The following ADAMTS20 variants were observed in gnomAD, a reference collection of about 807,000 sequenced individuals.
ADAMTS20 encodes the protein ADAM metallopeptidase with thrombospondin type 1 motif 20.
In ADAMTS20, 225 loss-of-function variants were observed where a neutral mutation model predicts 260.1. The ratio of observed to expected loss-of-function variants is 0.87; its 90% CI spans 0.78 to 0.97. ADAMTS20 has a LOEUF of 0.97. ADAMTS20 is among the 50% of genes least tolerant of loss of function. The pLI, the probability that ADAMTS20 is intolerant of heterozygous loss-of-function variation, is 0.00. For missense variants in ADAMTS20, 2,400 were observed against 2,337.7 expected (o/e 1.03, Z -0.55); for synonymous variants, 802 against 769.5 (o/e 1.04, Z -0.70).
intron 2 of ADAMTS20, among the ~76,000 whole-genome samples, chr12:43,539,198 G>A (rs974699409): frequency 6.6e-6 from 1 of 151,958 alleles, no homozygotes; most frequent in Non-Finnish European, 1.5e-5. Context: ...TGATCCACCC[G>A]CCTTGGCCTC....
intron 24 of ADAMTS20, among the ~76,000 whole-genome samples, chr12:43,429,153 A>C (rs964266588): frequency 6.6e-6 from 1 of 152,088 alleles, no homozygotes; most frequent in East Asian, 1.9e-4. Flanking sequence ...AATATCTACT[A>C]CTAAGTAACA....
intron 18 of ADAMTS20, among the ~76,000 whole-genome samples, chr12:43,434,873 T>A (rs61925142): frequency 0.12 from 18,640 of 152,150 alleles, 1,291 homozygotes; most frequent in Admixed American, 0.21. Flanking sequence ...CGTGACCTAT[T>A]CCAGTCCCAC....
Position 43,362,830 on chromosome 12 carries a change from G to GAA in ADAMTS20, c.5539-6244_5539-6243dup, listed in dbSNP as rs796818223. On this transcript the variant is annotated intron_variant, in intron 37 of 38. Coordinates refer to ENST00000389420, the MANE Select transcript of ADAMTS20 (RefSeq NM_025003.5). ...TACCTTAAAGCTTAAAGTATAATTA[G>GAA]AAAAAAAAAAAAAAAGGTGAAAAGG... Among the ~76,000 whole-genome samples, 73 of 89,082 alleles carry GAA rather than the reference G, an allele frequency of 8.2e-4. 1 individual carries two copies. In the East Asian group the frequency reaches 0.014, roughly 17 times the overall value. 58.4% of individuals were successfully genotyped at this position (89,082 alleles called of 152,430 possible). A position where few individuals can be genotyped will look rare whatever the true frequency, so the allele number is the denominator to read the frequency against.
intron 11 of ADAMTS20, among the ~76,000 whole-genome samples, chr12:43,454,746 G>A (rs1941934043): frequency 6.6e-6 from 1 of 152,120 alleles, no homozygotes; most frequent in Non-Finnish European, 1.5e-5. Context: ...GTATGACCAT[G>A]CACTCATGCC....
At chr12:43,464,903 A>C (rs1942127635) in intron 9 of ADAMTS20, among the ~76,000 whole-genome samples, 171 bp from the exon 10 acceptor site, 1 of 152,140 alleles carries the variant, frequency 6.6e-6, no homozygotes, top group Admixed American at 6.6e-5. Flanking sequence ...CGTACACATA[A>C]GGATGACCTC....
At chr12:43,412,218 C>A (rs1028710594) in intron 28 of ADAMTS20, among the ~76,000 whole-genome samples, 2 of 152,148 alleles carry the variant, frequency 1.3e-5, no homozygotes, top group Non-Finnish European at 2.9e-5. Flanking sequence ...ACTTTTTTTA[C>A]ATTACAAAGC....
intron 2 of ADAMTS20, among the ~76,000 whole-genome samples, chr12:43,550,642 T>C (rs1415942067): frequency 1.3e-5 from 2 of 152,114 alleles, no homozygotes; most frequent in Non-Finnish European, 2.9e-5. Context: ...CACAGGCCAC[T>C]CCCTGATCAC....
chr12:43,517,587 A>T (rs1055747266), intron 3 of ADAMTS20, among the ~76,000 whole-genome samples: 1 of 152,096 alleles, frequency 6.6e-6, no homozygotes, highest in Non-Finnish European at 1.5e-5. Flanking sequence ...TAGAAAACAC[A>T]ATATTATAAA....
rs1939692645 is a variant in ADAMTS20, at chr12:43,354,141, G to A, written c.*68C>T. ...CTCGGGAAGGGAGATATAAAGAAAT[G>A]AGCACCAGTTATTTGAATATTCCAG... On this transcript the variant is annotated 3_prime_UTR_variant, in exon 39 of 39. Transcript: ENST00000389420. 19 of 1,199,870 alleles carry A rather than the reference G, an allele frequency of 1.6e-5. No homozygotes were observed. The South Asian group carries it at 2.0e-4, about 13-fold the overall frequency. 74.3% of individuals were successfully genotyped at this position (1,199,870 alleles called of 1,614,324 possible).
At chr12:43,370,626 A>G (rs188785559) in intron 36 of ADAMTS20, among the ~76,000 whole-genome samples, 122 of 152,336 alleles carry the variant, frequency 8.0e-4, no homozygotes, top group Admixed American at 2.2e-3. Context: ...TACAGAACAT[A>G]TATCAAATTC....
intron 19 of ADAMTS20, among the ~76,000 whole-genome samples, 186 bp from the exon 20 acceptor site, chr12:43,432,997 C>T (rs978542118): frequency 3.3e-5 from 5 of 152,164 alleles, no homozygotes; most frequent in Admixed American, 2.6e-4. Context: ...TTGGTGGTAG[C>T]TTTGGAGGTG....
At chr12:43,389,038 C>A (rs1440298378) in intron 29 of ADAMTS20, among the ~76,000 whole-genome samples, 1 of 152,194 alleles carries the variant, frequency 6.6e-6, no homozygotes, top group Non-Finnish European at 1.5e-5. Context: ...TTTGAAAGAA[C>A]ACAACCATTC....
At chr12:43,531,775 T>A (rs1187517005) in intron 3 of ADAMTS20, among the ~76,000 whole-genome samples, 1 of 152,076 alleles carries the variant, frequency 6.6e-6, no homozygotes, top group African/African-American at 2.4e-5. Context: ...AGATTTTAAG[T>A]GTTCTCACCA....
intron 16 of ADAMTS20, among the ~76,000 whole-genome samples, chr12:43,442,895 A>G (rs892280746): frequency 2.6e-5 from 4 of 152,212 alleles, no homozygotes; most frequent in Admixed American, 2.0e-4. Flanking sequence ...CATCACCTCT[A>G]TCTAGTTCCA....
At chr12:43,385,609 T>A (rs900535386) in intron 29 of ADAMTS20, among the ~76,000 whole-genome samples, 2 of 152,216 alleles carry the variant, frequency 1.3e-5, no homozygotes, top group African/African-American at 4.8e-5. Context: ...TTAATCCATC[T>A]TGAGTTAATT....
rs777748924 is a variant in ADAMTS20, at chr12:43,443,837, G to A, written c.2244C>T (p.Asp748=). The A allele has an allele frequency of 3.1e-6, 5 of 1,613,246 alleles. No homozygotes were observed. Among genetic ancestry groups the A allele is most frequent in the Non-Finnish European group, 4.2e-6 (5 of 1,179,500 alleles). The change falls in exon 16 of 39, where the codon GAC becomes GAT. Residue 748 remains aspartate, a synonymous_variant. Coordinates refer to ENST00000389420, the MANE Select transcript of ADAMTS20 (RefSeq NM_025003.5). ...GTCCAGAATAGCTGTACTGACGAAT[G>A]TCAACGTTTGTTGCTCCTGCGGGAA... ...VKIPAGATNV[D]IRQYSYSGQP...
In ADAMTS20 at chr12:43,367,403, TCA is replaced by T. The variant is rs370184308; in HGVS notation, c.5538+1885_5538+1886del. Among the ~76,000 whole-genome samples, 666 of 152,134 alleles carry T rather than the reference TCA, an allele frequency of 4.4e-3. 3 individuals are homozygous for T. Among genetic ancestry groups the T allele is most frequent in the Non-Finnish European group, 7.3e-3 (494 of 67,926 alleles). ...TTGTGTTTCAACATATAAAAATAAA[TCA>T]GTGTGGTAACACTCTATCAATCCAG... is the stretch of plus-strand genomic sequence containing the variant. On this transcript the variant is annotated intron_variant, in intron 37 of 38. Transcript: ENST00000389420.
intron 28 of ADAMTS20, among the ~76,000 whole-genome samples, chr12:43,421,583 T>C (rs1209306880): frequency 6.6e-6 from 1 of 152,078 alleles, no homozygotes; most frequent in Admixed American, 6.5e-5. Flanking sequence ...TATATATGAA[T>C]GAGAAAAGTA....
At chr12:43,413,867 T>C (rs186500375) in intron 28 of ADAMTS20, among the ~76,000 whole-genome samples, 28 of 152,222 alleles carry the variant, frequency 1.8e-4, no homozygotes, top group African/African-American at 6.5e-4. Context: ...TCCCATCCCA[T>C]ATCCCACCAC....
Sources: gnomAD v4.1 joint callset for allele counts (sites outside exome capture counted in the v4.1 genomes callset) on GRCh38, gnomAD v4.1.1 for gene constraint, MANE v1.5 for transcripts, NCBI Gene and HGNC (gene_info 2026-07-23, HGNC 2026-07-21) for gene names.